The following KLHL7 variants were observed in gnomAD, a reference collection of about 807,000 sequenced individuals.
The protein encoded by KLHL7 is kelch-like protein 7.
KLHL7 carries 44 observed loss-of-function variants against 67.4 expected under a neutral mutation model. The ratio of observed to expected loss-of-function variants is 0.65; its 90% CI spans 0.51 to 0.84. The LOEUF (loss-of-function observed/expected upper bound fraction) is 0.84, where lower values mean the gene tolerates loss of function less well. Among genes scored for constraint, KLHL7 ranks in the 40% least tolerant of loss-of-function variants. The pLI is 0.00. For missense variants in KLHL7, 362 were observed against 718.1 expected, an observed-to-expected ratio of 0.50 and a Z score of 5.67; for synonymous variants, 252 against 243.3, an observed-to-expected ratio of 1.04 and a Z score of -0.33.
In KLHL7 at chr7:23,172,033, A is replaced by G; in HGVS notation, c.1380-915A>G. 2 of 377,740 alleles carry G rather than the reference A, an allele frequency of 5.3e-6. 1 individual carries two copies. Among genetic ancestry groups the G allele is most frequent in the South Asian group, 3.8e-5 (2 of 53,074 alleles). The allele number at this position is 377,740 out of a possible 1,614,324, so 23.4% of individuals were successfully genotyped here. ...CGGCCATCAAATTATTTTAAAGAAG[A>G]GATATAAACAATAATTATAGAGAGT... On this transcript the variant is annotated intron_variant, in intron 9 of 10. Coordinates refer to ENST00000339077, the MANE Select transcript of KLHL7 (RefSeq NM_001031710.3).
At chr7:23,170,246 T>C (rs1228082408) in intron 9 of KLHL7, among the ~76,000 whole-genome samples, 1 of 152,084 alleles carries the variant, frequency 6.6e-6, no homozygotes, top group African/African-American at 2.4e-5. Context: ...AACAAAAAGT[T>C]ATCTAGCCAG....
chr7:23,163,508 T>G (rs1413470348), intron 7 of KLHL7, among the ~76,000 whole-genome samples: 2 of 152,186 alleles, frequency 1.3e-5, no homozygotes, highest in Non-Finnish European at 2.9e-5. Flanking sequence ...TGAGAACTAT[T>G]GTATTACAGC....
At chr7:23,171,637 A>G (rs1785164502) in intron 9 of KLHL7, among the ~76,000 whole-genome samples, 1 of 152,258 alleles carries the variant, frequency 6.6e-6, no homozygotes, top group Non-Finnish European at 1.5e-5. Context: ...CATAAATGTA[A>G]GACAAAAGAA....
chr7:23,130,468 C>T (rs1460836612), intron 4 of KLHL7, among the ~76,000 whole-genome samples: 3 of 152,088 alleles, frequency 2.0e-5, no homozygotes, highest in Admixed American at 2.0e-4. Context: ...CTTAAGTTTA[C>T]TCAGAATTTT....
At position 23,174,633 on chromosome 7, in the gene KLHL7, A is replaced by T. The variant is rs1269089825; in HGVS notation, c.*335A>T. 5 of 476,658 alleles carry T rather than the reference A, an allele frequency of 1.0e-5. No homozygotes were observed. Among genetic ancestry groups the T allele is most frequent in the Non-Finnish European group, 1.7e-5 (4 of 242,110 alleles). 29.5% of individuals were successfully genotyped at this position (476,658 alleles called of 1,614,324 possible). A position where few individuals can be genotyped will look rare whatever the true frequency, so the allele number is the denominator to read the frequency against. On this transcript the variant is annotated 3_prime_UTR_variant, in exon 11 of 11. Transcript: ENST00000339077. ...GCTCATCAGTGAAGCGCAGTATCTT[A>T]GCTCTAGATTCTATTTTCATGCATC...
intron 7 of KLHL7, among the ~76,000 whole-genome samples, chr7:23,154,590 C>T (rs1033443720): frequency 5.9e-5 from 9 of 152,100 alleles, no homozygotes; most frequent in Admixed American, 4.6e-4. Context: ...TAGCATTACG[C>T]GCATCAACAC....
intron 9 of KLHL7, chr7:23,172,200 G>A (rs1393758111): frequency 2.2e-6 from 1 of 456,158 alleles, no homozygotes; most frequent in Admixed American, 2.4e-5. Context: ...AGTGTATGCA[G>A]AAGAATGTAT....
chr7:23,118,068 A>G, intron 1 of KLHL7: 1 of 1,393,252 alleles, frequency 7.2e-7, no homozygotes, highest in Non-Finnish European at 1.0e-6. Flanking sequence ...ATTAAAAGCT[A>G]ATCCTCATAC....
intron 7 of KLHL7, among the ~76,000 whole-genome samples, chr7:23,153,702 A>G (rs892172741): frequency 6.6e-6 from 1 of 152,192 alleles, no homozygotes; most frequent in Admixed American, 6.5e-5. Context: ...ACCTCAAGCT[A>G]TATGCAGCAT....
chr7:23,147,383 G>T (rs776873225), intron 6 of KLHL7, among the ~76,000 whole-genome samples: 16 of 151,966 alleles, frequency 1.1e-4, no homozygotes, highest in Non-Finnish European at 2.1e-4. Flanking sequence ...AGCCACCAAC[G>T]CTGGCCTACC....
intron 4 of KLHL7, among the ~76,000 whole-genome samples, chr7:23,130,545 T>C (rs1212425328): frequency 1.3e-5 from 2 of 152,248 alleles, no homozygotes; most frequent in African/African-American, 4.8e-5. Flanking sequence ...TGTTTTCTTT[T>C]GAAAATACAT....
chr7:23,159,185 G>A (rs1784788714), intron 7 of KLHL7, among the ~76,000 whole-genome samples: 1 of 152,130 alleles, frequency 6.6e-6, no homozygotes, highest in African/African-American at 2.4e-5. Flanking sequence ...TTGTTGTTTT[G>A]TTTTTAAAAC....
chr7:23,163,183 G>A (rs947432618), intron 7 of KLHL7, among the ~76,000 whole-genome samples: 1 of 150,756 alleles, frequency 6.6e-6, no homozygotes, highest in Non-Finnish European at 1.5e-5. Context: ...TTTTTTGCTC[G>A]TTTGGAGACG....
chr7:23,141,053 A>G, intron 5 of KLHL7, 109 bp downstream of exon 5: 2 of 992,888 alleles, frequency 2.0e-6, no homozygotes, highest in Middle Eastern at 2.0e-4. Flanking sequence ...AGGAAAGAAT[A>G]TGTTCTTTAC....
In KLHL7 at chr7:23,174,663, A is replaced by C. The variant is rs1471532476; in HGVS notation, c.*365A>C. On this transcript the variant is annotated 3_prime_UTR_variant, in exon 11 of 11. Transcript: ENST00000339077. ...TAGATTCTATTTTCATGCATCACAG[A>C]AGTGCTATACGGTTAGGTCTGTTTG... 8.6e-6 allele frequency: 4 copies of C among 462,620 alleles called. No homozygotes were observed. The highest frequency in any genetic ancestry group is 4.6e-5 in the South Asian group (3 of 64,558). 28.7% of individuals were successfully genotyped at this position (462,620 alleles called of 1,614,324 possible). A position where few individuals can be genotyped will look rare whatever the true frequency, so the allele number is the denominator to read the frequency against.
intron 7 of KLHL7, 69 bp from the exon 8 acceptor site, chr7:23,165,629 A>G (rs1784982779): frequency 1.3e-6 from 2 of 1,538,908 alleles, no homozygotes; most frequent in Non-Finnish European, 1.8e-6. Context: ...TTTTGACTGT[A>G]TCTTTGCATT....
chr7:23,125,108 T>A lies in KLHL7; in HGVS notation c.378T>A (p.Ile126=). 1.2e-6 allele frequency: 2 copies of A among 1,612,944 alleles called. No homozygotes were observed. Among genetic ancestry groups the A allele is most frequent in the Non-Finnish European group, 1.7e-6 (2 of 1,178,992 alleles). The change falls in exon 4 of 11, where the codon ATT becomes ATA. Residue 126 remains isoleucine, a synonymous_variant. Transcript: ENST00000339077. Reference sequence around the variant, plus strand: ...TGGATGCAGCAAACCAATATCAGATTGAACCTGTGAAGAAAATGTGTGTTG... The same window carrying A: ...TGGATGCAGCAAACCAATATCAGATAGAACCTGTGAAGAAAATGTGTGTTG... ...SLLDAANQYQ[I]EPVKKMCVDF...
intron 4 of KLHL7, chr7:23,125,944 T>A (rs1457325153): frequency 8.7e-7 from 1 of 1,155,338 alleles, no homozygotes; most frequent in Non-Finnish European, 1.3e-6. Context: ...ATCCTATATA[T>A]ACTGTGTTTT....
rs545092618 is a variant in KLHL7, at chr7:23,117,872, A to C, written c.121-5905A>C. 1.1e-5 allele frequency: 18 copies of C among 1,613,838 alleles called. No individual in the cohort carries two copies. The East Asian group carries it at 3.6e-4, about 32-fold the overall frequency. ...CCACCCAGCTGTAGTTGAATCTACA[A>C]TCTGCTCAGGGATTTATACTCAATG... On this transcript the variant is annotated intron_variant, in intron 1 of 10. Coordinates refer to ENST00000339077, the MANE Select transcript of KLHL7 (RefSeq NM_001031710.3).
Sources: allele counts gnomAD v4.1 joint callset (sites outside exome capture counted in the v4.1 genomes callset), GRCh38; gene constraint gnomAD v4.1.1; transcripts MANE v1.5; gene names NCBI Gene and HGNC (gene_info 2026-07-23, HGNC 2026-07-21).